Variants in HS6ST3 observed in about 807,000 individuals in gnomAD.
HS6ST3 encodes heparan sulfate 6-O-sulfotransferase 3.
Under a neutral mutation model 36.7 loss-of-function variants are expected in HS6ST3, and 12 were observed. The observed-to-expected ratio is 0.33, with a 90% CI of 0.21 to 0.53. The LOEUF (loss-of-function observed/expected upper bound fraction) is 0.53, where lower values mean the gene tolerates loss of function less well. HS6ST3 is among the 20% of genes least tolerant of loss of function. HS6ST3 has a pLI of 0.95. For missense variants in HS6ST3, 584 were observed against 640.9 expected (o/e 0.91, Z 0.96); for synonymous variants, 240 against 257.5 (o/e 0.93, Z 0.65).
chr13:96,484,397 A>G (rs2055904138), intron 1 of HS6ST3, among the ~76,000 whole-genome samples: 1 of 152,116 alleles, frequency 6.6e-6, no homozygotes, highest in African/African-American at 2.4e-5. Context: ...GCAAATTTCA[A>G]GTATATAATG....
chr13:96,492,586 A>G (rs1293419142), intron 1 of HS6ST3, among the ~76,000 whole-genome samples: 2 of 152,224 alleles, frequency 1.3e-5, no homozygotes, highest in African/African-American at 4.8e-5. Flanking sequence ...GTTCCAAAGT[A>G]TCTTCACCGT....
chr13:96,564,844 T>C (rs889733293), intron 1 of HS6ST3, among the ~76,000 whole-genome samples: 1 of 152,144 alleles, frequency 6.6e-6, no homozygotes, highest in Non-Finnish European at 1.5e-5. Flanking sequence ...GTAACTAAAT[T>C]TCCTACTAAA....
chr13:96,456,324 T>C (rs1001131167), intron 1 of HS6ST3, among the ~76,000 whole-genome samples: 2 of 152,028 alleles, frequency 1.3e-5, no homozygotes, highest in Non-Finnish European at 2.9e-5. Flanking sequence ...TGAAGAAGAG[T>C]AGATTAATCA....
At chr13:96,420,225 G>C (rs550460655) in intron 1 of HS6ST3, among the ~76,000 whole-genome samples, 4 of 152,056 alleles carry the variant, frequency 2.6e-5, no homozygotes, top group South Asian at 2.1e-4. Flanking sequence ...AGAGTGCTGG[G>C]AGTCCCTGGT....
intron 1 of HS6ST3, among the ~76,000 whole-genome samples, chr13:96,559,209 C>T (rs1341710191): frequency 6.6e-6 from 1 of 151,962 alleles, no homozygotes; most frequent in South Asian, 2.1e-4. Flanking sequence ...CTCTGCCTCC[C>T]GAGTTCAGGT....
intron 1 of HS6ST3, among the ~76,000 whole-genome samples, chr13:96,793,068 G>A (rs1384012376): frequency 6.6e-6 from 1 of 152,010 alleles, no homozygotes; most frequent in East Asian, 1.9e-4. Flanking sequence ...AAATTGCTTA[G>A]CCATGAGGAG....
chr13:96,195,361 C>T (rs9525147), intron 1 of HS6ST3, among the ~76,000 whole-genome samples: 60,807 of 152,038 alleles, frequency 0.4, 12,502 homozygotes, highest in Non-Finnish European at 0.46. Flanking sequence ...TGTATAGCTT[C>T]GACGGTTTTT....
intron 1 of HS6ST3, among the ~76,000 whole-genome samples, chr13:96,224,753 A>G (rs1423095723): frequency 6.6e-6 from 1 of 152,246 alleles, no homozygotes; most frequent in Admixed American, 6.5e-5. Context: ...TGGTCATCGA[A>G]GGTTACAGAG....
At chr13:96,161,502 A>G (rs1289294590) in intron 1 of HS6ST3, among the ~76,000 whole-genome samples, 1 of 152,198 alleles carries the variant, frequency 6.6e-6, no homozygotes, top group East Asian at 1.9e-4. Flanking sequence ...TGTATTCTCC[A>G]CTAAGATTCC....
intron 1 of HS6ST3, among the ~76,000 whole-genome samples, chr13:96,612,215 G>A (rs1193646105): frequency 1.3e-5 from 2 of 152,090 alleles, no homozygotes; most frequent in African/African-American, 2.4e-5. Flanking sequence ...CACAGGGTGA[G>A]GTTCCTGCTT....
intron 1 of HS6ST3, among the ~76,000 whole-genome samples, chr13:96,464,087 C>A (rs2139493759): frequency 1.1e-5 from 1 of 94,382 alleles, no homozygotes; most frequent in African/African-American, 4.6e-5. Flanking sequence ...AAGCTTGAAA[C>A]TTAAGTTTGT....
chr13:96,766,913 G>C (rs1877131820), intron 1 of HS6ST3, among the ~76,000 whole-genome samples: 1 of 152,204 alleles, frequency 6.6e-6, no homozygotes. Context: ...GGCTCATTCT[G>C]AGGGTAGTTT....
intron 1 of HS6ST3, among the ~76,000 whole-genome samples, chr13:96,809,919 C>T (rs1283195480): frequency 1.3e-5 from 2 of 152,160 alleles, no homozygotes; most frequent in Admixed American, 6.5e-5. Flanking sequence ...TGGCACAGGG[C>T]CTGGGGCCTG....
At chr13:96,249,457 TGAGGA>T (rs1392771405) in intron 1 of HS6ST3, among the ~76,000 whole-genome samples, 1 of 150,970 alleles carries the variant, frequency 6.6e-6, no homozygotes, top group African/African-American at 2.4e-5. Context: ...GAGTAGGAGG[TGAGGA>T]GAGGGAAGAT....
intron 1 of HS6ST3, among the ~76,000 whole-genome samples, chr13:96,706,440 T>TATATATATATATATATAA (rs1491180585): frequency 3.6e-5 from 5 of 137,602 alleles, no homozygotes; most frequent in African/African-American, 1.4e-4. Flanking sequence ...TATATATATA[T>TATATATATATATATATAA]AATCAGGGAA....
At chr13:96,622,815 G>A (rs1276709660) in intron 1 of HS6ST3, among the ~76,000 whole-genome samples, 1 of 151,822 alleles carries the variant, frequency 6.6e-6, no homozygotes, top group Non-Finnish European at 1.5e-5. Flanking sequence ...CAACCTTTTA[G>A]TTCTTTCATT....
intron 1 of HS6ST3, among the ~76,000 whole-genome samples, chr13:96,414,978 C>T (rs2055526006): frequency 6.6e-6 from 1 of 152,092 alleles, no homozygotes; most frequent in Non-Finnish European, 1.5e-5. Flanking sequence ...AAAATGAGAT[C>T]ATTTTAAAAG....
At chr13:96,832,409 T>C in intron 1 of HS6ST3, 81 bp from the exon 2 acceptor site, 2 of 1,041,482 alleles carry the variant, frequency 1.9e-6, no homozygotes, top group Non-Finnish European at 2.7e-6. Flanking sequence ...CTTGACTCAA[T>C]GCCGATGTAA....
intron 1 of HS6ST3, among the ~76,000 whole-genome samples, chr13:96,157,799 GT>G (rs2054117256): frequency 6.6e-6 from 1 of 152,194 alleles, no homozygotes; most frequent in African/African-American, 2.4e-5. Flanking sequence ...TAATATAAGT[GT>G]TATTTCGAAT....
Sources: gnomAD v4.1 joint callset for allele counts (sites outside exome capture counted in the v4.1 genomes callset) on GRCh38, gnomAD v4.1.1 for gene constraint, MANE v1.5 for transcripts, NCBI Gene and HGNC (gene_info 2026-07-23, HGNC 2026-07-21) for gene names.